The following DIS3L2 variants were observed in gnomAD, a reference collection of about 807,000 sequenced individuals.
DIS3L2 encodes the protein DIS3 like 3'-5' exoribonuclease 2.
Under a neutral mutation model 97.5 loss-of-function variants are expected in DIS3L2, and 34 were observed. The ratio of observed to expected loss-of-function variants is 0.35; its 90% confidence interval spans 0.27 to 0.46. The LOEUF (loss-of-function observed/expected upper bound fraction) is 0.46, where lower values mean the gene tolerates loss of function less well. DIS3L2 is among the 20% of genes least tolerant of loss of function. The pLI, the probability that DIS3L2 is intolerant of heterozygous loss-of-function variation, is 1.00. For missense variants in DIS3L2, 1,038 were observed against 1,146.0 expected (o/e 0.91, Z 1.36); for synonymous variants, 435 against 445.2 (o/e 0.98, Z 0.29).
intron 13 of DIS3L2, among the ~76,000 whole-genome samples, chr2:232,342,226 CAT>C: frequency 6.7e-6 from 1 of 149,446 alleles, no homozygotes; most frequent in South Asian, 2.1e-4. Flanking sequence ...TATACACATA[CAT>C]ATATACACAT....
At chr2:232,302,934 A>G (rs1021661256) in intron 14 of DIS3L2, among the ~76,000 whole-genome samples, 2 of 152,190 alleles carry the variant, frequency 1.3e-5, no homozygotes, top group Admixed American at 1.3e-4. Context: ...TTAATTAATT[A>G]TTAATAGTAG....
chr2:232,282,507 C>T (rs1210790155), intron 13 of DIS3L2, among the ~76,000 whole-genome samples: 3 of 152,196 alleles, frequency 2.0e-5, no homozygotes, highest in Non-Finnish European at 4.4e-5. Context: ...GGCTCAAAGT[C>T]GAGTGCTCTT....
At chr2:232,230,920 C>G in intron 10 of DIS3L2, among the ~76,000 whole-genome samples, 1 of 152,248 alleles carries the variant, frequency 6.6e-6, no homozygotes, top group East Asian at 1.9e-4. Context: ...GCCCACCCCC[C>G]ATCCTTCGCT....
At chr2:231,990,496 C>T (rs1354725400) in intron 1 of DIS3L2, among the ~76,000 whole-genome samples, 11 of 152,198 alleles carry the variant, frequency 7.2e-5, no homozygotes, top group Admixed American at 4.6e-4. Flanking sequence ...TGACTTTAAT[C>T]GTAGTAATAA....
At chr2:232,039,294 A>G (rs1313835494) in intron 5 of DIS3L2, among the ~76,000 whole-genome samples, 1 of 152,228 alleles carries the variant, frequency 6.6e-6, no homozygotes, top group African/African-American at 2.4e-5. Context: ...CGTCTAGAAT[A>G]TAAACATCTC....
chr2:232,002,220 C>T lies in DIS3L2; in HGVS notation c.-93-12615C>T, dbSNP rs536166211. On this transcript the variant is annotated intron_variant, in intron 1 of 20. Coordinates refer to ENST00000325385, the MANE Select transcript of DIS3L2 (RefSeq NM_152383.5). ...TTATTTCTGGGTTTTCTATTCTGTT[C>T]CATTGCTCTGTGTGTCTGCTTTGAT... Among the ~76,000 whole-genome samples the T allele has an allele frequency of 8.6e-4, 131 of 152,168 alleles. No individual in the cohort carries two copies. In the South Asian group the frequency reaches 0.011, roughly 13 times the overall value.
chr2:232,210,219 C>G (rs1056433431), intron 9 of DIS3L2, 107 bp from the exon 10 acceptor site: 1 of 841,746 alleles, frequency 1.2e-6, no homozygotes, highest in African/African-American at 1.7e-5. Flanking sequence ...TTCACTTTCC[C>G]TAACAGAGCA....
intron 12 of DIS3L2, among the ~76,000 whole-genome samples, chr2:232,258,008 T>C (rs897245600): frequency 1.3e-5 from 2 of 152,204 alleles, no homozygotes; most frequent in South Asian, 2.1e-4. Flanking sequence ...GGCTGAACAA[T>C]GCACTCCTCC....
intron 13 of DIS3L2, among the ~76,000 whole-genome samples, chr2:232,295,750 C>T (rs1181216515): frequency 6.6e-6 from 1 of 152,206 alleles, no homozygotes. Flanking sequence ...CAACCTGTCA[C>T]CCCGATCTCT....
intron 14 of DIS3L2, among the ~76,000 whole-genome samples, chr2:232,312,702 C>T (rs1695169735): frequency 6.6e-6 from 1 of 152,168 alleles, no homozygotes; most frequent in African/African-American, 2.4e-5. Flanking sequence ...GAAAAATCAA[C>T]ACTTTTATGA....
intron 1 of DIS3L2, among the ~76,000 whole-genome samples, chr2:231,989,052 A>G (rs1380272615): frequency 6.6e-6 from 1 of 151,996 alleles, no homozygotes; most frequent in African/African-American, 2.4e-5. Context: ...CCTTTGTCTT[A>G]TTACTTTTGA....
At chr2:232,296,034 C>T (rs1361717615) in intron 13 of DIS3L2, among the ~76,000 whole-genome samples, 1 of 152,246 alleles carries the variant, frequency 6.6e-6, no homozygotes, top group Non-Finnish European at 1.5e-5. Context: ...TTATAAACTT[C>T]AGAACTGTAT....
chr2:232,262,860 GCTCT>G (rs986604728), intron 12 of DIS3L2, among the ~76,000 whole-genome samples: 1 of 152,130 alleles, frequency 6.6e-6, no homozygotes, highest in Non-Finnish European at 1.5e-5. Context: ...ATTGTTGGCA[GCTCT>G]CTCCTCTACT....
At chr2:232,274,855 A>G (rs1006307378) in intron 13 of DIS3L2, among the ~76,000 whole-genome samples, 1 of 152,244 alleles carries the variant, frequency 6.6e-6, no homozygotes, top group Non-Finnish European at 1.5e-5. Context: ...ATTTCACAAT[A>G]TGGAGCAGTC....
rs181146614 is a variant in DIS3L2 at position 232,285,114 on chromosome 2, T to G, written c.1660-14926T>G. ...TCTTAATTTTTGTTGTTGTTTTGGG[T>G]TTTTTTTCTTTATTTCTGTTCTGCA... On this transcript the variant is annotated intron_variant, in intron 13 of 20. Coordinates refer to ENST00000325385, the MANE Select transcript of DIS3L2 (RefSeq NM_152383.5). Among the ~76,000 whole-genome samples the G allele has an allele frequency of 2.6e-5, 4 of 152,172 alleles. No homozygotes were observed. The East Asian group carries it at 5.8e-4, about 22-fold the overall frequency.
chr2:232,326,419 C>A (rs1249314565), intron 14 of DIS3L2, among the ~76,000 whole-genome samples: 1 of 152,170 alleles, frequency 6.6e-6, no homozygotes, highest in Non-Finnish European at 1.5e-5. Flanking sequence ...ACCTTTCTGT[C>A]CCCAAACTCC....
chr2:231,983,312 G>T (rs1693313514), intron 1 of DIS3L2, among the ~76,000 whole-genome samples: 1 of 152,200 alleles, frequency 6.6e-6, no homozygotes. Flanking sequence ...GGTGTTGGCA[G>T]GGCTGGTTCC....
chr2:232,325,512 A>G lies in DIS3L2; in HGVS notation c.1740-4301A>G, dbSNP rs1180541945. Among the ~76,000 whole-genome samples the G allele has an allele frequency of 9.9e-5, 15 of 151,832 alleles. No individual in the cohort carries two copies. Among genetic ancestry groups the G allele is most frequent in the Non-Finnish European group, 1.8e-4 (12 of 67,930 alleles). ...CCCCCTCCCCACCCCCTCCTGCCCC[A>G]GGGAGGCCCAGAACCAGGGAGGAGA... is the stretch of plus-strand genomic sequence containing the variant. On this transcript the variant is annotated intron_variant, in intron 14 of 20. Transcript: ENST00000325385. This position sits in a 1 kb window ranked among gnomAD's most constrained non-coding sequence, Gnocchi z 4.6.
chr2:232,126,313 C>T (rs890144002), intron 6 of DIS3L2, among the ~76,000 whole-genome samples: 1 of 152,194 alleles, frequency 6.6e-6, no homozygotes, highest in Admixed American at 6.5e-5. Flanking sequence ...TAGAGAATAG[C>T]ATTAAATCCT....
Sources: gnomAD v4.1 joint callset for allele counts (sites outside exome capture counted in the v4.1 genomes callset) on GRCh38, gnomAD v4.1.1 for gene constraint, Gnocchi (gnomAD v3.1) non-coding constraint, MANE v1.5 for transcripts, NCBI Gene and HGNC (gene_info 2026-07-23, HGNC 2026-07-21) for gene names.